AGBL1: variants seen among roughly 807,000 people sequenced by gnomAD.
AGBL1 encodes cytosolic carboxypeptidase 4.
In AGBL1, 130 loss-of-function variants were observed where a neutral mutation model predicts 118.9. That is an observed-to-expected ratio of 1.09 (90% CI 0.95 to 1.26). The LOEUF (loss-of-function observed/expected upper bound fraction) is 1.26. Ranked by LOEUF, AGBL1 falls within the 50% of genes most tolerant of loss-of-function variation. The pLI is 0.00. For missense variants in AGBL1, 1,584 were observed against 1,298.1 expected, an observed-to-expected ratio of 1.22 and a Z score of -3.38; for synonymous variants, 555 against 478.9, an observed-to-expected ratio of 1.16 and a Z score of -2.08.
chr15:86,082,403 T>C (rs971847266), intron 1 of AGBL1, among the ~76,000 whole-genome samples: 3 of 152,178 alleles, frequency 2.0e-5, no homozygotes, highest in African/African-American at 7.2e-5. Context: ...TTCTCAAACC[T>C]TTGGGGAAAG....
intron 17 of AGBL1, among the ~76,000 whole-genome samples, chr15:86,334,931 T>G (rs2141870143): frequency 6.6e-6 from 1 of 152,234 alleles, no homozygotes; most frequent in South Asian, 2.1e-4. Flanking sequence ...ACAGGCATAT[T>G]TAAGAAAAAT....
chr15:86,335,543 A>G (rs2080353732), intron 17 of AGBL1, among the ~76,000 whole-genome samples: 1 of 152,224 alleles, frequency 6.6e-6, no homozygotes, highest in Non-Finnish European at 1.5e-5. Context: ...TACAAAAGAT[A>G]TAAATCCTTA....
intron 22 of AGBL1, among the ~76,000 whole-genome samples, chr15:86,714,211 G>T (rs1307607923): frequency 6.6e-6 from 1 of 152,198 alleles, no homozygotes; most frequent in African/African-American, 2.4e-5. Flanking sequence ...TACAACCCAT[G>T]TGCCGTTAAG....
At chr15:86,595,924 A>G (rs80248669) in intron 21 of AGBL1, among the ~76,000 whole-genome samples, 3,867 of 150,956 alleles carry the variant, frequency 0.026, 163 homozygotes, top group African/African-American at 0.088. Context: ...GGAGCCACAG[A>G]ATGAGTTAGC....
At chr15:86,566,410 T>C (rs551809642) in intron 21 of AGBL1, among the ~76,000 whole-genome samples, 1 of 152,310 alleles carries the variant, frequency 6.6e-6, no homozygotes, top group African/African-American at 2.4e-5. Flanking sequence ...TGCTGGTCTT[T>C]ATTTCACCTT....
At chr15:86,610,778 A>G (rs2084644495) in intron 21 of AGBL1, among the ~76,000 whole-genome samples, 2 of 151,908 alleles carry the variant, frequency 1.3e-5, no homozygotes, top group Non-Finnish European at 2.9e-5. Flanking sequence ...TTCCCTAATC[A>G]CGTATTTTTT....
chr15:86,505,779 C>G (rs540523186), intron 18 of AGBL1, among the ~76,000 whole-genome samples: 8 of 151,978 alleles, frequency 5.3e-5, no homozygotes, highest in Admixed American at 5.3e-4. Flanking sequence ...TGGGCTTCCA[C>G]AAGGATAGTT....
chr15:86,628,805 T>G (rs921032328), intron 21 of AGBL1, among the ~76,000 whole-genome samples: 3 of 151,950 alleles, frequency 2.0e-5, no homozygotes, highest in East Asian at 1.9e-4. Flanking sequence ...AAAAAAAAAG[T>G]TTTTTGTTTG....
At chr15:86,500,957 C>T (rs999959340) in intron 18 of AGBL1, among the ~76,000 whole-genome samples, 1 of 151,656 alleles carries the variant, frequency 6.6e-6, no homozygotes, top group Admixed American at 6.6e-5. Context: ...CTGCTATAAA[C>T]ATCCATGTGC....
intron 23 of AGBL1, among the ~76,000 whole-genome samples, chr15:86,922,472 A>G (rs1218968289): frequency 6.6e-6 from 1 of 152,154 alleles, no homozygotes; most frequent in Non-Finnish European, 1.5e-5. Context: ...GTGTATTTTT[A>G]GTAGAGACAG....
At chr15:86,998,444 T>C (rs189123574) in intron 24 of AGBL1, among the ~76,000 whole-genome samples, 18 of 152,222 alleles carry the variant, frequency 1.2e-4, no homozygotes, top group Middle Eastern at 6.8e-3. Flanking sequence ...ACACATGAAT[T>C]GGGAGTGGAT....
intron 18 of AGBL1, among the ~76,000 whole-genome samples, chr15:86,448,159 A>G (rs569151433): frequency 9.2e-5 from 14 of 152,336 alleles, no homozygotes; most frequent in African/African-American, 2.6e-4. Context: ...ACAAAAAATA[A>G]GAAGTATCGA....
chr15:86,584,211 T>C (rs2084214160), intron 21 of AGBL1, among the ~76,000 whole-genome samples: 1 of 152,120 alleles, frequency 6.6e-6, no homozygotes, highest in Non-Finnish European at 1.5e-5. Context: ...TGTCAGTTTT[T>C]GTTTTTGTTG....
At chr15:86,167,242 T>C (rs549028468) in intron 5 of AGBL1, among the ~76,000 whole-genome samples, 4 of 148,688 alleles carry the variant, frequency 2.7e-5, no homozygotes, top group East Asian at 4.1e-4. Context: ...ATTTCTTTTT[T>C]ACTTTTCTTT....
At chr15:86,469,790 T>C (rs1289047306) in intron 18 of AGBL1, among the ~76,000 whole-genome samples, 3 of 152,192 alleles carry the variant, frequency 2.0e-5, no homozygotes, top group Non-Finnish European at 2.9e-5. Flanking sequence ...TGAGGTGATA[T>C]CTCATTGTCA....
rs555353235 is a variant in AGBL1, at chr15:86,912,768, G to A, written c.*5474G>A. On this transcript the variant is annotated 3_prime_UTR_variant, in exon 23 of 23. Transcript: ENST00000614907. ...GCCACAGAAGAATGACTCGCATGGT[G>A]GATCTCAGCATTTGGATTTGCATTA... 1 of 152,304 alleles carries A rather than the reference G, an allele frequency of 6.6e-6. No individual in the cohort carries two copies. Among genetic ancestry groups the A allele is most frequent in the Admixed American group, 6.5e-5 (1 of 15,290 alleles). The allele number at this position is 152,304 out of a possible 1,614,324, so 9.4% of individuals were successfully genotyped here.
Position 86,293,669 on chromosome 15 carries a change from ATTC to A in AGBL1, c.2221-1580_2221-1578del, listed in dbSNP as rs1444690544. 3.3e-5 allele frequency among the ~76,000 whole-genome samples: 5 copies of A among 152,318 alleles called. No homozygotes were observed. The East Asian group carries it at 5.8e-4, about 18-fold the overall frequency. ...AACGTGAACATCTTTGGGGGCCACT[ATTC>A]TTCTTACCATATCTGTAGTAAGTTA... On this transcript the variant is annotated intron_variant, in intron 16 of 22. Coordinates refer to ENST00000614907, the MANE Select transcript of AGBL1 (RefSeq NM_001386094.1).
At chr15:86,198,417 C>G (rs373983363) in intron 5 of AGBL1, among the ~76,000 whole-genome samples, 1 of 152,066 alleles carries the variant, frequency 6.6e-6, no homozygotes, top group African/African-American at 2.4e-5. Flanking sequence ...TGAGGTGAGA[C>G]TTTTGAAGCT....
At chr15:86,234,868 G>A (rs985038931) in intron 6 of AGBL1, among the ~76,000 whole-genome samples, 3 of 152,202 alleles carry the variant, frequency 2.0e-5, no homozygotes, top group African/African-American at 7.2e-5. Context: ...TTCAGGAAGT[G>A]ATGATATAAG....
Sources: allele counts gnomAD v4.1 joint callset (sites outside exome capture counted in the v4.1 genomes callset), GRCh38; gene constraint gnomAD v4.1.1; transcripts MANE v1.5; gene names NCBI Gene and HGNC (gene_info 2026-07-23, HGNC 2026-07-21).